Variants in PCGF6 observed in about 807,000 individuals in gnomAD.
PCGF6 encodes the protein polycomb group ring finger 6, also known as polycomb group RING finger protein 6.
Under a neutral mutation model 45.5 loss-of-function variants are expected in PCGF6, and 24 were observed. That is an observed-to-expected ratio of 0.53 (90% CI 0.38 to 0.74). The LOEUF (loss-of-function observed/expected upper bound fraction) is 0.74. Among genes scored for constraint, PCGF6 ranks in the 30% least tolerant of loss-of-function variants. PCGF6 has a pLI of 0.00. For missense variants in PCGF6, 356 were observed against 443.2 expected, an observed-to-expected ratio of 0.80 and a Z score of 1.77; for synonymous variants, 152 against 162.1, an observed-to-expected ratio of 0.94 and a Z score of 0.47.
chr10:103,337,792 C>CAT (rs1280040151), intron 6 of PCGF6, among the ~76,000 whole-genome samples: 1,423 of 49,178 alleles, frequency 0.029, 15 homozygotes, highest in South Asian at 0.065. Flanking sequence ...CGGCCGGGCG[C>CAT]GGTGGCTCAC....
chr10:103,305,601 A>G (rs1321704760), intron 9 of PCGF6, among the ~76,000 whole-genome samples: 2 of 152,102 alleles, frequency 1.3e-5, no homozygotes, highest in South Asian at 2.1e-4. Context: ...TTTAAGCATT[A>G]GATTCTCCTA....
At chr10:103,320,587 T>C (rs553123429) in intron 8 of PCGF6, among the ~76,000 whole-genome samples, 14 of 152,166 alleles carry the variant, frequency 9.2e-5, no homozygotes, top group African/African-American at 3.4e-4. Context: ...CTCAGGAGGC[T>C]GAGGCAGGAT....
chr10:103,309,600 T>C (rs2093149435), intron 9 of PCGF6, among the ~76,000 whole-genome samples: 2 of 152,202 alleles, frequency 1.3e-5, no homozygotes, highest in African/African-American at 2.4e-5. Flanking sequence ...AATGGACTAA[T>C]ACAGTATGTG....
At chr10:103,328,885 G>A (rs1282739598) in intron 7 of PCGF6, among the ~76,000 whole-genome samples, 2 of 151,646 alleles carry the variant, frequency 1.3e-5, no homozygotes, top group Non-Finnish European at 2.9e-5. Flanking sequence ...CCAAGTAGCT[G>A]GGACTACAGG....
chr10:103,350,492 G>A (rs1175079044), intron 1 of PCGF6, among the ~76,000 whole-genome samples: 1 of 152,200 alleles, frequency 6.6e-6, no homozygotes, highest in African/African-American at 2.4e-5. Flanking sequence ...TGACCTGCAA[G>A]AACTTCACAA....
chr10:103,338,799 C>T, intron 6 of PCGF6, among the ~76,000 whole-genome samples: 1 of 150,760 alleles, frequency 6.6e-6, no homozygotes, highest in African/African-American at 2.4e-5. Context: ...ACCCTAGAGG[C>T]AGAGGTAGCA....
At position 103,311,298 on chromosome 10, in the gene PCGF6, C is replaced by T. The variant is rs899480306; in HGVS notation, c.996+2888G>A. Among the ~76,000 whole-genome samples the T allele has an allele frequency of 2.6e-5, 4 of 152,142 alleles. No individual in the cohort carries two copies. In the East Asian group the frequency reaches 7.7e-4, roughly 29 times the overall value. ...CTGGGATTACAGGCACCTGCCACCACGCCCAGCTAATTTTTGTATTTTTAG... is the reference window on the plus strand; with the variant it reads ...CTGGGATTACAGGCACCTGCCACCATGCCCAGCTAATTTTTGTATTTTTAG... On this transcript the variant is annotated intron_variant, in intron 9 of 9. Coordinates refer to ENST00000369847, the MANE Select transcript of PCGF6 (RefSeq NM_001011663.2).
At chr10:103,311,032 G>A (rs1171742035) in intron 9 of PCGF6, among the ~76,000 whole-genome samples, 2 of 152,076 alleles carry the variant, frequency 1.3e-5, no homozygotes, top group East Asian at 1.9e-4. Flanking sequence ...GACGGGACTC[G>A]CTATACTGCC....
intron 6 of PCGF6, among the ~76,000 whole-genome samples, chr10:103,335,150 G>T (rs1045673983): frequency 1.1e-4 from 17 of 150,490 alleles, no homozygotes; most frequent in African/African-American, 4.2e-4. Context: ...GGGCTTAAGT[G>T]AACTTCTTGC....
At chr10:103,311,278 A>C (rs530799074) in intron 9 of PCGF6, among the ~76,000 whole-genome samples, 6 of 151,930 alleles carry the variant, frequency 3.9e-5, no homozygotes, top group Non-Finnish European at 8.8e-5. Flanking sequence ...AGTAGCTGGG[A>C]TTACAGGCAC....
chr10:103,350,630 G>T, intron 1 of PCGF6, 77 bp downstream of exon 1: 2 of 1,333,396 alleles, frequency 1.5e-6, no homozygotes, highest in Non-Finnish European at 1.9e-6. Context: ...GGATCGGGCC[G>T]GCGCCCGGCA....
chr10:103,346,534 G>A lies in PCGF6; in HGVS notation c.673+704C>T, dbSNP rs929714254. Among the ~76,000 whole-genome samples the A allele has an allele frequency of 2.0e-5, 3 of 151,558 alleles. No individual in the cohort carries two copies. The East Asian group carries it at 5.9e-4, about 30-fold the overall frequency. The stretch of plus-strand genomic sequence containing the variant: ...AGCTACTCAGGAGGCTGAGGCAGGA[G>A]AATCGCTTGAGCCCAGAAGGCGGAG... On this transcript the variant is annotated intron_variant, in intron 5 of 9. Transcript: ENST00000369847.
At chr10:103,344,869 C>T (rs2093293833) in intron 6 of PCGF6, among the ~76,000 whole-genome samples, 155 bp downstream of exon 6, 1 of 152,120 alleles carries the variant, frequency 6.6e-6, no homozygotes, top group Non-Finnish European at 1.5e-5. Flanking sequence ...TGCACCCGGC[C>T]CTTTATACCT....
At chr10:103,347,694 TTG>T (rs761111831) in intron 3 of PCGF6, among the ~76,000 whole-genome samples, 5 of 152,142 alleles carry the variant, frequency 3.3e-5, no homozygotes, top group Admixed American at 6.6e-5. Flanking sequence ...GCATTGTTTT[TTG>T]TGTGTGTGTG....
At chr10:103,350,389 T>C (rs1041218466) in intron 1 of PCGF6, among the ~76,000 whole-genome samples, 1 of 146,270 alleles carries the variant, frequency 6.8e-6, no homozygotes, top group African/African-American at 2.5e-5. Flanking sequence ...CAGTGAGCCA[T>C]GGTCGCGCCA....
intron 1 of PCGF6, 140 bp downstream of exon 1, chr10:103,350,567 G>A (rs1230339306): frequency 6.3e-6 from 5 of 791,682 alleles, no homozygotes; most frequent in African/African-American, 5.4e-5. Flanking sequence ...AGGCAGCCGG[G>A]GCAGAGGTCG....
intron 6 of PCGF6, among the ~76,000 whole-genome samples, chr10:103,340,582 T>C (rs2093277184): frequency 6.6e-6 from 1 of 151,906 alleles, no homozygotes; most frequent in South Asian, 2.1e-4. Flanking sequence ...GTGGAAAGTG[T>C]TACATTTCCC....
chr10:103,321,539 T>A (rs777147422), intron 8 of PCGF6, among the ~76,000 whole-genome samples: 42 of 152,120 alleles, frequency 2.8e-4, no homozygotes, highest in Admixed American at 9.8e-4. Context: ...GGTGAAACCC[T>A]GTCTCTACTA....
intron 7 of PCGF6, among the ~76,000 whole-genome samples, chr10:103,327,281 G>A (rs1057298402): frequency 5.3e-5 from 8 of 151,830 alleles, no homozygotes; most frequent in African/African-American, 1.2e-4. Context: ...GCAAAACTCC[G>A]TCTAAAAAAC....
Sources: gnomAD v4.1 joint callset for allele counts (sites outside exome capture counted in the v4.1 genomes callset) on GRCh38, gnomAD v4.1.1 for gene constraint, MANE v1.5 for transcripts, NCBI Gene and HGNC (gene_info 2026-07-23, HGNC 2026-07-21) for gene names.